Variants in THRB observed in about 807,000 individuals in gnomAD.
THRB encodes nuclear receptor subfamily 1 group A member 2.
A neutral mutation model predicts 47.8 loss-of-function variants in THRB; 12 were observed. That is an observed-to-expected ratio of 0.25 (90% confidence interval 0.16 to 0.41). THRB has a LOEUF of 0.41. Ranked by LOEUF, THRB falls within the 10% of genes least tolerant of loss-of-function variation. THRB has a pLI of 1.00. For synonymous variants in THRB, 218 were observed against 212.2 expected (o/e 1.03, Z -0.24); for missense variants, 348 against 589.2 (o/e 0.59, Z 4.24).
intron 1 of THRB, among the ~76,000 whole-genome samples, chr3:24,478,345 T>C (rs748667908): frequency 1.7e-4 from 26 of 152,228 alleles, no homozygotes; most frequent in Non-Finnish European, 3.5e-4. Flanking sequence ...AGCATACCTC[T>C]GGCACATATT....
chr3:24,126,321 C>T (rs532672269), intron 10 of THRB, among the ~76,000 whole-genome samples: 6 of 151,962 alleles, frequency 3.9e-5, no homozygotes, highest in Middle Eastern at 6.8e-3. Context: ...GTCAAGCCTG[C>T]GATGAGCTGT....
chr3:24,135,672 C>T (rs1212262476), intron 8 of THRB, among the ~76,000 whole-genome samples: 2 of 151,962 alleles, frequency 1.3e-5, no homozygotes, highest in African/African-American at 2.4e-5. Context: ...CTGCTCCCTG[C>T]AGCCTTCAGA....
intron 4 of THRB, among the ~76,000 whole-genome samples, chr3:24,226,233 T>C (rs1158463001): frequency 6.6e-6 from 1 of 152,186 alleles, no homozygotes; most frequent in Non-Finnish European, 1.5e-5. Flanking sequence ...AAAGGAAAAA[T>C]ATGCACATTT....
intron 1 of THRB, among the ~76,000 whole-genome samples, chr3:24,435,537 T>C (rs556273116): frequency 7.9e-5 from 12 of 152,228 alleles, no homozygotes; most frequent in African/African-American, 2.4e-4. Flanking sequence ...AGGTGAACAC[T>C]TCCCCTCTCC....
intron 5 of THRB, among the ~76,000 whole-genome samples, chr3:24,168,121 C>G (rs114855174): frequency 0.018 from 2,664 of 152,176 alleles, 73 homozygotes; most frequent in African/African-American, 0.06. Context: ...TGAAACACTC[C>G]TCATACCAAG....
At chr3:24,458,597 A>G (rs2073403616) in intron 1 of THRB, 1 of 152,124 alleles carries the variant, frequency 6.6e-6, no homozygotes, top group South Asian at 2.1e-4. Flanking sequence ...TCCACCAAAC[A>G]TTTTATAAAT....
intron 1 of THRB, among the ~76,000 whole-genome samples, chr3:24,341,120 T>C (rs2062612233): frequency 7.2e-6 from 1 of 138,424 alleles, no homozygotes; most frequent in Non-Finnish European, 1.6e-5. Flanking sequence ...TTTGTCAATA[T>C]CTATTTTTTT....
At chr3:24,410,772 T>C (rs1482053851) in intron 1 of THRB, among the ~76,000 whole-genome samples, 3 of 151,844 alleles carry the variant, frequency 2.0e-5, no homozygotes, top group African/African-American at 7.2e-5. Context: ...AAAAGTTATT[T>C]AAATACCTTC....
At chr3:24,488,608 A>G (rs1187016276) in intron 1 of THRB, among the ~76,000 whole-genome samples, 8 of 151,984 alleles carry the variant, frequency 5.3e-5, no homozygotes, top group African/African-American at 1.9e-4. Context: ...GATCTGAGAC[A>G]GATGTCAATG....
chr3:24,453,645 A>G lies in THRB; in HGVS notation c.-261+41007T>C, dbSNP rs141728452. Reference sequence around the variant, plus strand: ...CTTAAAGTTTATATTGGATCACGCCATTTCCGCTGCTAAAATCCACAAAAC... The same window carrying G: ...CTTAAAGTTTATATTGGATCACGCCGTTTCCGCTGCTAAAATCCACAAAAC... On this transcript the variant is annotated intron_variant, in intron 1 of 10. Transcript: ENST00000646209. Among the ~76,000 whole-genome samples, 1,412 of 152,294 alleles carry G rather than the reference A, an allele frequency of 9.3e-3. 17 individuals are homozygous for G. The highest frequency in any genetic ancestry group is 0.032 in the African/African-American group (1,323 of 41,554).
At chr3:24,137,084 T>C (rs1415282868) in intron 8 of THRB, among the ~76,000 whole-genome samples, 1 of 152,258 alleles carries the variant, frequency 6.6e-6, no homozygotes, top group Non-Finnish European at 1.5e-5. Context: ...CTATGAGTCA[T>C]ATGGTATTTA....
chr3:24,491,959 A>G (rs1184720114), intron 1 of THRB, among the ~76,000 whole-genome samples: 2 of 152,218 alleles, frequency 1.3e-5, no homozygotes, highest in East Asian at 3.8e-4. Context: ...CATTGTCACT[A>G]CACAGAATGG....
intron 1 of THRB, among the ~76,000 whole-genome samples, chr3:24,418,410 A>T (rs1323429288): frequency 6.6e-6 from 1 of 151,878 alleles, no homozygotes; most frequent in Non-Finnish European, 1.5e-5. Flanking sequence ...TTAACACTGA[A>T]GAATTTATTT....
At chr3:24,392,470 C>A (rs1232134309) in intron 1 of THRB, among the ~76,000 whole-genome samples, 1 of 152,074 alleles carries the variant, frequency 6.6e-6, no homozygotes, top group Non-Finnish European at 1.5e-5. Flanking sequence ...AACACTAGGA[C>A]TTATTCCTTC....
rs796442803 is a variant in THRB, at chr3:24,233,555, A to G, written c.-42-4554T>C. The stretch of plus-strand genomic sequence containing the variant: ...GAAAAGAAAGAAAGAGAAAGAAAGA[A>G]AAAGGAAGAAAGAAAGAAAGAAAGA... On this transcript the variant is annotated intron_variant, in intron 3 of 10. Transcript: ENST00000646209. Among the ~76,000 whole-genome samples, 15 of 19,672 alleles carry G rather than the reference A, an allele frequency of 7.6e-4. 1 individual carries two copies. Among genetic ancestry groups the G allele is most frequent in the Non-Finnish European group, 1.8e-3 (12 of 6,808 alleles). 12.9% of individuals were successfully genotyped at this position (19,672 alleles called of 152,430 possible).
At chr3:24,291,072 C>T (rs1460377642) in intron 3 of THRB, among the ~76,000 whole-genome samples, 1 of 152,188 alleles carries the variant, frequency 6.6e-6, no homozygotes. Flanking sequence ...CCTTAATGTA[C>T]CTTTCCACAC....
At chr3:24,303,743 T>C (rs1172464787) in intron 2 of THRB, among the ~76,000 whole-genome samples, 20 of 152,364 alleles carry the variant, frequency 1.3e-4, no homozygotes. Context: ...TTGTTAGTTT[T>C]TGGTGGATAG....
chr3:24,216,602 C>G (rs999339796), intron 4 of THRB, among the ~76,000 whole-genome samples: 1 of 148,708 alleles, frequency 6.7e-6, no homozygotes, highest in South Asian at 2.1e-4. Flanking sequence ...AGCGAGACTC[C>G]GCCTCAAAAA....
intron 1 of THRB, among the ~76,000 whole-genome samples, chr3:24,365,354 C>G (rs896156069): frequency 1.3e-5 from 2 of 152,152 alleles, no homozygotes; most frequent in African/African-American, 4.8e-5. Context: ...GGAAATGATT[C>G]ATGCCACAGA....
Sources: gnomAD v4.1 joint callset for allele counts (sites outside exome capture counted in the v4.1 genomes callset) on GRCh38, gnomAD v4.1.1 for gene constraint, MANE v1.5 for transcripts, NCBI Gene and HGNC (gene_info 2026-07-23, HGNC 2026-07-21) for gene names.